OVCH1: variants seen among roughly 807,000 people sequenced by gnomAD.
The protein encoded by OVCH1 is ovochymase 1, also known as ovochymase-1.
OVCH1 carries 139 observed loss-of-function variants against 138.4 expected under a neutral mutation model. The observed-to-expected ratio is 1.00, with a 90% CI of 0.87 to 1.16. OVCH1 has a LOEUF of 1.16. OVCH1 is among the 50% of genes most tolerant of loss of function. OVCH1 has a pLI of 0.00. For missense variants in OVCH1, 1,367 were observed against 1,357.9 expected (o/e 1.01, Z -0.11); for synonymous variants, 453 against 467.8 (o/e 0.97, Z 0.41).
chr12:29,487,080 A>T, intron 7 of OVCH1: 1 of 335,158 alleles, frequency 3.0e-6, no homozygotes, highest in African/African-American at 2.2e-5. Context: ...TGAGAAAGCG[A>T]TGGAGGATGG....
intron 4 of OVCH1, 128 bp downstream of exon 4, chr12:29,495,148 CGAACAAAAT>C: frequency 2.3e-6 from 2 of 885,308 alleles, no homozygotes; most frequent in South Asian, 3.7e-5. Context: ...GGTTATAGAC[CGAACAAAAT>C]TATTTTAAAA....
chr12:29,447,447 T>C (rs1317042334), intron 22 of OVCH1, among the ~76,000 whole-genome samples: 1 of 152,148 alleles, frequency 6.6e-6, no homozygotes, highest in Non-Finnish European at 1.5e-5. Flanking sequence ...AAGTTAGCCT[T>C]TCTGAAGAGT....
chr12:29,405,047 A>C, the OVCH1 span, among the ~76,000 whole-genome samples: 2,885 of 148,554 alleles, frequency 0.019, 119 homozygotes, highest in African/African-American at 0.068. Context: ...AAAAAAAAAA[A>C]AAAAAAAAAC....
At chr12:29,455,304 C>T (rs150279096) in exon 20 of OVCH1, 98 of 1,613,740 alleles carry the variant, frequency 6.1e-5, no homozygotes, top group Non-Finnish European at 7.9e-5. Context: ...CAAATACACC[C>T]GGCTTCCATG....
At chr12:29,473,269 G>A (rs1294529128) in intron 14 of OVCH1, among the ~76,000 whole-genome samples, 166 bp from the exon 15 acceptor site, 1 of 151,982 alleles carries the variant, frequency 6.6e-6, no homozygotes, top group Non-Finnish European at 1.5e-5. Context: ...TTGTATATCC[G>A]TTAATATCCC....
intron 21 of OVCH1, 44 bp from the exon 22 acceptor site, chr12:29,451,613 A>G: frequency 6.7e-7 from 1 of 1,486,338 alleles, no homozygotes; most frequent in Non-Finnish European, 9.1e-7. Context: ...ACATAAATAA[A>G]GCAAAGAAAA....
At chr12:29,409,992 C>T (rs1293658444), downstream of OVCH1, among the ~76,000 whole-genome samples, 1 of 152,098 alleles carries the variant, frequency 6.6e-6, no homozygotes, top group Non-Finnish European at 1.5e-5. Flanking sequence ...CTGGGTGCTC[C>T]TGTATTGGGT....
At chr12:29,473,618 C>A (rs1022455277) in intron 14 of OVCH1, among the ~76,000 whole-genome samples, 4 of 152,062 alleles carry the variant, frequency 2.6e-5, no homozygotes, top group African/African-American at 9.7e-5. Context: ...CTTGTTCTTA[C>A]ATTTCTCTAT....
At chr12:29,432,510 AG>A (rs938282600) in intron 27 of OVCH1, among the ~76,000 whole-genome samples, 1 of 152,158 alleles carries the variant, frequency 6.6e-6, no homozygotes, top group African/African-American at 2.4e-5. Flanking sequence ...GCTTGGAGGC[AG>A]GGGTAGGAAA....
chr12:29,455,423 C>T lies in OVCH1; in HGVS notation c.2281-18G>A, dbSNP rs775607138. Reference sequence around the variant, plus strand: ...GAGTCTCCCTGAAACACCAAGAAAACATGTTTTAGAAAACTGCTTTAATCT... The same window carrying T: ...GAGTCTCCCTGAAACACCAAGAAAATATGTTTTAGAAAACTGCTTTAATCT... On this transcript the variant is annotated intron_variant, in intron 19 of 27. Coordinates refer to ENST00000318184, the Ensembl canonical transcript of OVCH1. 9.9e-5 allele frequency: 156 copies of T among 1,582,728 alleles called. No homozygotes were observed. In the Admixed American group the frequency reaches 1.6e-3, roughly 16 times the overall value.
At chr12:29,454,766 G>C in intron 21 of OVCH1, 75 bp downstream of exon 21, 1 of 1,334,318 alleles carries the variant, frequency 7.5e-7, no homozygotes, top group Non-Finnish European at 1.0e-6. Context: ...AGAAAATTTA[G>C]CAAAGCTAGA....
Position 29,440,815 on chromosome 12 carries a change from A to G in OVCH1, c.3158-1381T>C, listed in dbSNP as rs1941465356. 3 of 447,674 alleles carry G rather than the reference A, an allele frequency of 6.7e-6. 1 individual carries two copies. Among genetic ancestry groups the G allele is most frequent in the Non-Finnish European group, 1.3e-5 (3 of 222,444 alleles). 27.7% of individuals were successfully genotyped at this position (447,674 alleles called of 1,614,324 possible). A position where few individuals can be genotyped will look rare whatever the true frequency, so the allele number is the denominator to read the frequency against. ...GTATTGTAAATCTGAAGAATAAAAA[A>G]GACAGCAGTTTAGCAATTGGATTTT... On this transcript the variant is annotated intron_variant, in intron 25 of 27. Coordinates refer to ENST00000318184, the Ensembl canonical transcript of OVCH1.
At chr12:29,435,358 CTG>C (rs1056803116) in intron 26 of OVCH1, among the ~76,000 whole-genome samples, 3 of 152,130 alleles carry the variant, frequency 2.0e-5, no homozygotes, top group Non-Finnish European at 4.4e-5. Flanking sequence ...TAGCGAGAAC[CTG>C]TCTCTTAAAA....
At chr12:29,464,271 A>C in intron 18 of OVCH1, 1 of 551,202 alleles carries the variant, frequency 1.8e-6, no homozygotes, top group South Asian at 2.0e-5. Context: ...GGCCCATTAC[A>C]GTAAAGGTTT....
chr12:29,402,723 A>T, the OVCH1 span, among the ~76,000 whole-genome samples: 5 of 151,918 alleles, frequency 3.3e-5, no homozygotes, highest in Non-Finnish European at 7.4e-5. Context: ...TGATTAACAG[A>T]GGTGAAAAGG....
chr12:29,421,514 AC>A (rs2135886249), intron 3 of OVCH1, among the ~76,000 whole-genome samples: 1 of 152,198 alleles, frequency 6.6e-6, no homozygotes, highest in South Asian at 2.1e-4. Flanking sequence ...AAAACATAAA[AC>A]TGATTTTTAA....
intron 8 of OVCH1, among the ~76,000 whole-genome samples, chr12:29,479,991 C>T (rs10771540): frequency 0.53 from 80,377 of 151,392 alleles, 21,688 homozygotes; most frequent in East Asian, 0.74. Flanking sequence ...GCCCAGCTAA[C>T]TTATGTATTT....
downstream of OVCH1, chr12:29,426,122 C>T (rs1452421651): frequency 6.6e-6 from 1 of 152,152 alleles, no homozygotes; most frequent in African/African-American, 2.4e-5. Context: ...AATTTGTAAT[C>T]ATTTGACACC....
chr12:29,409,729 T>G (rs1940928062), downstream of OVCH1, among the ~76,000 whole-genome samples: 1 of 152,208 alleles, frequency 6.6e-6, no homozygotes, highest in South Asian at 2.1e-4. Flanking sequence ...TACTTCCAAT[T>G]ATGTTGTCAA....
Sources: allele counts gnomAD v4.1 joint callset (sites outside exome capture counted in the v4.1 genomes callset), GRCh38; gene constraint gnomAD v4.1.1; transcripts MANE v1.5; gene names NCBI Gene and HGNC (gene_info 2026-07-23, HGNC 2026-07-21).